Variants in NOM1 observed in about 807,000 individuals in gnomAD.
NOM1 encodes nucleolar protein with MIF4G domain 1, also known as nucleolar MIF4G domain-containing protein 1.
Under a neutral mutation model 73.3 loss-of-function variants are expected in NOM1, and 58 were observed. The observed-to-expected ratio is 0.79, with a 90% confidence interval of 0.64 to 0.99. The LOEUF is 0.99. Ranked by LOEUF, NOM1 falls within the 50% of genes least tolerant of loss-of-function variation. The pLI is 0.00. For synonymous variants in NOM1, 487 were observed against 446.8 expected (o/e 1.09, Z -1.14); for missense variants, 1,226 against 1,131.9 (o/e 1.08, Z -1.19).
chr7:156,952,357 CAGT>C, intron 1 of NOM1, 114 bp from the exon 2 acceptor site: 1 of 1,027,058 alleles, frequency 9.7e-7, no homozygotes. Flanking sequence ...CAGCAATGAT[CAGT>C]AGCAGCTTCC....
In NOM1 at chr7:156,954,634, G is replaced by C. The variant is rs139325882; in HGVS notation, c.1308+336G>C. ...TGATCCTCCCACCTCATCCTCCAGA[G>C]TAGCTGGAACTGCAGGCGCACACCA... On this transcript the variant is annotated intron_variant, in intron 3 of 10. Transcript: ENST00000275820. 7.9e-3 allele frequency among the ~76,000 whole-genome samples: 1,177 copies of C among 149,760 alleles called. 8 individuals carry two copies. The highest frequency in any genetic ancestry group is 0.011 in the Non-Finnish European group (750 of 67,720).
At position 156,960,141 on chromosome 7, in the gene NOM1, C is replaced by T. The variant is rs760282858; in HGVS notation, c.1599C>T (p.Ser533=). The stretch of plus-strand genomic sequence containing the variant: ...TCACTGAAGCCCAGACCAAAGCCAG[C>T]GGGGCAGGCAGCGAGTTTCAGGACC... ...ELITEAQTKA[S]GAGSEFQDQT... The change falls in exon 4 of 11, where the codon AGC becomes AGT. Residue 533 remains serine, a synonymous_variant. Coordinates refer to ENST00000275820, the MANE Select transcript of NOM1 (RefSeq NM_138400.2). 24 of 1,613,382 alleles carry T rather than the reference C, an allele frequency of 1.5e-5. No homozygotes were observed. Among genetic ancestry groups the T allele is most frequent in the South Asian group, 4.4e-5 (4 of 91,028 alleles).
chr7:156,967,238 G>A, intron 9 of NOM1, 146 bp downstream of exon 9: 1 of 939,598 alleles, frequency 1.1e-6, no homozygotes, highest in Non-Finnish European at 1.5e-6. Flanking sequence ...AGCCAGGACA[G>A]AAAACGGCCA....
intron 10 of NOM1, 82 bp downstream of exon 10, chr7:156,969,278 G>A (rs371548490): frequency 9.0e-6 from 8 of 889,384 alleles, no homozygotes; most frequent in African/African-American, 8.2e-5. Flanking sequence ...CAAACACAAG[G>A]TTGTACTATA....
chr7:156,953,689 C>A (rs193105666), intron 2 of NOM1, among the ~76,000 whole-genome samples: 3 of 152,310 alleles, frequency 2.0e-5, no homozygotes, highest in Admixed American at 2.0e-4. Flanking sequence ...AACAGAGCAG[C>A]CTTTTCTAGT....
intron 3 of NOM1, chr7:156,958,536 G>A (rs887611): frequency 0.52 from 79,654 of 152,096 alleles, 21,137 homozygotes; most frequent in Middle Eastern, 0.66. Context: ...TGATGACACG[G>A]TAGTGTTGCC....
chr7:156,956,313 A>ACT (rs1804725137), intron 3 of NOM1, among the ~76,000 whole-genome samples: 3 of 152,110 alleles, frequency 2.0e-5, no homozygotes, highest in Non-Finnish European at 2.9e-5. Context: ...AACATGCTGT[A>ACT]ACGCGCACGG....
rs1301559427 is a variant in NOM1, at chr7:156,971,547, TC to T, written c.*1846del. On this transcript the variant is annotated 3_prime_UTR_variant, in exon 11 of 11. Coordinates refer to ENST00000275820, the MANE Select transcript of NOM1 (RefSeq NM_138400.2). The stretch of plus-strand genomic sequence containing the variant: ...GACCACAAGCAGTAGAGACAAGATC[TC>T]CGTATGTTATACAGGCTGGCCTCAA... 1 of 149,422 alleles carries T rather than the reference TC, an allele frequency of 6.7e-6. No individual in the cohort carries two copies. Among genetic ancestry groups the T allele is most frequent in the Non-Finnish European group, 1.5e-5 (1 of 67,372 alleles). The allele number at this position is 149,422 out of a possible 1,614,324, so 9.3% of individuals were successfully genotyped here.
At position 156,950,438 on chromosome 7, in the gene NOM1, G is replaced by T. The variant is rs761562351; in HGVS notation, c.701G>T (p.Ser234Ile). 7.4e-6 allele frequency: 12 copies of T among 1,614,052 alleles called. No homozygotes were observed. In the African/African-American group the frequency reaches 1.1e-4, roughly 14 times the overall value. ...GGGAAAAATAGCGGCTTGTACGACAGCAGTGGTGAGGAGGAGGAAGATGCC... is the reference window on the plus strand; with the variant it reads ...GGGAAAAATAGCGGCTTGTACGACATCAGTGGTGAGGAGGAGGAAGATGCC... ...ESGKNSGLYDSSGEEEEDAGQ... is the reference protein window; with the variant it reads ...ESGKNSGLYDISGEEEEDAGQ... Residue 234 changes from serine (S) to isoleucine (I), a missense_variant, in exon 1 of 11, where the codon AGC (serine) becomes ATC (isoleucine). Ser to Ile is a moderately radical substitution (Grantham distance 142). Coordinates refer to ENST00000275820, the MANE Select transcript of NOM1 (RefSeq NM_138400.2).
chr7:156,962,893 A>G, intron 5 of NOM1, 115 bp from the exon 6 acceptor site: 3 of 1,154,854 alleles, frequency 2.6e-6, no homozygotes, highest in Non-Finnish European at 3.6e-6. Flanking sequence ...CCAGTGACCC[A>G]TTCCAGTATT....
At chr7:156,961,694 G>T (rs1293319600) in intron 4 of NOM1, among the ~76,000 whole-genome samples, 1 of 152,164 alleles carries the variant, frequency 6.6e-6, no homozygotes, top group African/African-American at 2.4e-5. Context: ...GAGGGTATGT[G>T]GGAATTCTTT....
At position 156,950,299 on chromosome 7, in the gene NOM1, A is replaced by G; in HGVS notation, c.562A>G (p.Lys188Glu). The G allele has an allele frequency of 6.2e-7, 1 of 1,614,136 alleles. No individual in the cohort carries two copies. Among genetic ancestry groups the G allele is most frequent in the Non-Finnish European group, 8.5e-7 (1 of 1,179,942 alleles). The change falls in exon 1 of 11, where the codon AAG becomes GAG. Residue 188 changes from lysine to glutamate, a missense_variant. Transcript: ENST00000275820. ...CGAGGAGGAGGACCGAGAGATCCGA[A>G]AGCTGGAGCGTTGCCTCGGTTTGAA... ...ANEEEDREIRKLERCLGLNKR... is the reference protein window; with the variant it reads ...ANEEEDREIRELERCLGLNKR...
chr7:156,962,058 G>A, intron 4 of NOM1, 93 bp from the exon 5 acceptor site: 1 of 970,276 alleles, frequency 1.0e-6, no homozygotes, highest in Non-Finnish European at 1.7e-6. Flanking sequence ...TGGCGGCCAT[G>A]TGCATCAGGT....
intron 4 of NOM1, among the ~76,000 whole-genome samples, chr7:156,961,156 A>G (rs1374454253): frequency 3.9e-5 from 6 of 152,152 alleles, no homozygotes; most frequent in Non-Finnish European, 8.8e-5. Context: ...GAGGACCTTC[A>G]GGTTAAGGAG....
Position 156,967,035 on chromosome 7 carries a change from G to C in NOM1, c.2241G>C (p.Leu747Phe). The C allele has an allele frequency of 6.2e-7, 1 of 1,613,326 alleles. No homozygotes were observed. Among genetic ancestry groups the C allele is most frequent in the South Asian group, 1.1e-5 (1 of 90,988 alleles). The change falls in exon 9 of 11, where the codon TTG (leucine) becomes TTC (phenylalanine). Residue 747 changes from leucine (L) to phenylalanine (F), a missense_variant. Coordinates refer to ENST00000275820, the MANE Select transcript of NOM1 (RefSeq NM_138400.2). ...TGCCAGCTACGAATTTCTCTAATTTGGTTCATCTGGTGGCCCACTTGTTGA... is the reference window on the plus strand; with the variant it reads ...TGCCAGCTACGAATTTCTCTAATTTCGTTCATCTGGTGGCCCACTTGTTGA... ...ENLPATNFSN[L>F]VHLVAHLLKT...
At chr7:156,967,619 G>A in intron 9 of NOM1, among the ~76,000 whole-genome samples, 1 of 152,154 alleles carries the variant, frequency 6.6e-6, no homozygotes, top group East Asian at 1.9e-4. Flanking sequence ...CTGCCTCCGG[G>A]ATTCAAGCGA....
chr7:156,963,119 G>T lies in NOM1; in HGVS notation c.1855G>T (p.Ala619Ser), dbSNP rs1804906773. ...GATTGTGGGGTCCGCCTGGAGTGGG[G>T]CCCCGATGATCGACAACAGTCACCA... The part of the protein sequence containing the change: ...WWIVGSAWSG[A>S]PMIDNSHHTH... The change falls in exon 6 of 11, where the codon GCC becomes TCC. Residue 619 changes from alanine (A) to serine (S), a missense_variant. Ala to Ser is a moderately conservative substitution (Grantham distance 99). Coordinates refer to ENST00000275820, the MANE Select transcript of NOM1 (RefSeq NM_138400.2). 1 of 1,614,040 alleles carries T rather than the reference G, an allele frequency of 6.2e-7. No homozygotes were observed. Among genetic ancestry groups the T allele is most frequent in the Non-Finnish European group, 8.5e-7 (1 of 1,180,028 alleles).
In NOM1 at chr7:156,970,140, CA is replaced by C. The variant is rs1318795237; in HGVS notation, c.*438del. ...ACTAAAAATATAAAAATTAGCCAGG[CA>C]TGATGGCACATGCTGGTAATAGCAG... On this transcript the variant is annotated 3_prime_UTR_variant, in exon 11 of 11. Coordinates refer to ENST00000275820, the MANE Select transcript of NOM1 (RefSeq NM_138400.2). 3 of 152,548 alleles carry C rather than the reference CA, an allele frequency of 2.0e-5. No individual in the cohort carries two copies. The highest frequency in any genetic ancestry group is 7.2e-5 in the African/African-American group (3 of 41,500). The allele number at this position is 152,548 out of a possible 1,614,324, so 9.4% of individuals were successfully genotyped here.
In NOM1 at chr7:156,966,156, G is replaced by A. The variant is rs866530321; in HGVS notation, c.2034-114G>A. On this transcript the variant is annotated intron_variant, in intron 7 of 10. Transcript: ENST00000275820. ...CTGCCGCTGCCTCCACCTCCTTTAC[G>A]TGGCTCGCCTCTAACCAGACCCTTC... The A allele has an allele frequency of 6.1e-5, 82 of 1,347,438 alleles. 1 individual carries two copies. In the Middle Eastern group the frequency reaches 1.3e-3, roughly 22 times the overall value. 83.5% of individuals were successfully genotyped at this position (1,347,438 alleles called of 1,614,324 possible). A position where few individuals can be genotyped will look rare whatever the true frequency, so the allele number is the denominator to read the frequency against.
Sources: allele counts gnomAD v4.1 joint callset (sites outside exome capture counted in the v4.1 genomes callset), GRCh38; gene constraint gnomAD v4.1.1; transcripts MANE v1.5; gene names NCBI Gene and HGNC (gene_info 2026-07-23, HGNC 2026-07-21).